The following PCDH9 variants were observed in gnomAD, a reference collection of about 807,000 sequenced individuals.
PCDH9 encodes protocadherin-9.
PCDH9 carries 24 observed loss-of-function variants against 70.6 expected under a neutral mutation model. The observed-to-expected ratio is 0.34, with a 90% CI of 0.25 to 0.48. The LOEUF (loss-of-function observed/expected upper bound fraction) is 0.48, where lower values mean the gene tolerates loss of function less well. Among genes scored for constraint, PCDH9 ranks in the 20% least tolerant of loss-of-function variants. PCDH9 has a pLI of 0.99. For synonymous variants in PCDH9, 562 were observed against 558.5 expected (o/e 1.01, Z -0.09); for missense variants, 1,281 against 1,503.6 (o/e 0.85, Z 2.45).
chr13:66,517,439 G>T (rs1959791119), intron 4 of PCDH9, among the ~76,000 whole-genome samples: 1 of 152,046 alleles, frequency 6.6e-6, no homozygotes, highest in South Asian at 2.1e-4. Flanking sequence ...ATAGTAATTA[G>T]ACTTTTAGCT....
intron 3 of PCDH9, among the ~76,000 whole-genome samples, chr13:66,686,423 C>A (rs1407149623): frequency 6.6e-6 from 1 of 152,124 alleles, no homozygotes; most frequent in African/African-American, 2.4e-5. Flanking sequence ...AAACCTCTTT[C>A]CATTATAAAT....
chr13:66,792,955 A>G (rs1249217269), intron 3 of PCDH9, among the ~76,000 whole-genome samples: 1 of 152,142 alleles, frequency 6.6e-6, no homozygotes, highest in Non-Finnish European at 1.5e-5. Flanking sequence ...GAAATAGCTT[A>G]TTTTCAACAA....
Position 66,544,224 on chromosome 13 carries a change from G to C in PCDH9, c.3340+86986C>G, listed in dbSNP as rs566035672. ...TTTCCTATCACTGTTTTTCGGTCCA[G>C]TATTATATTACCAGGAAAAACTTCA... On this transcript the variant is annotated intron_variant, in intron 4 of 4. Coordinates refer to ENST00000377865, the MANE Select transcript of PCDH9 (RefSeq NM_203487.3). Among the ~76,000 whole-genome samples, 3 of 152,194 alleles carry C rather than the reference G, an allele frequency of 2.0e-5. No individual in the cohort carries two copies. In the South Asian group the frequency reaches 6.2e-4, roughly 32 times the overall value.
intron 3 of PCDH9, among the ~76,000 whole-genome samples, chr13:66,783,182 G>A (rs984074381): frequency 2.6e-5 from 4 of 151,938 alleles, no homozygotes; most frequent in African/African-American, 9.7e-5. Flanking sequence ...GCCATTACAC[G>A]ACCCCAGAGT....
At chr13:66,433,391 A>T (rs1957809306) in intron 4 of PCDH9, among the ~76,000 whole-genome samples, 1 of 151,856 alleles carries the variant, frequency 6.6e-6, no homozygotes, top group South Asian at 2.1e-4. Flanking sequence ...CTCTCAAAAA[A>T]TTTTCTTAAT....
At chr13:67,106,706 T>C (rs558794647) in intron 2 of PCDH9, among the ~76,000 whole-genome samples, 2 of 152,296 alleles carry the variant, frequency 1.3e-5, no homozygotes, top group Non-Finnish European at 2.9e-5. Context: ...TGGCTGCGGA[T>C]TGGGCATCCC....
chr13:66,904,945 T>C (rs952901655), intron 2 of PCDH9, among the ~76,000 whole-genome samples: 7 of 152,050 alleles, frequency 4.6e-5, no homozygotes, highest in Non-Finnish European at 8.8e-5. Context: ...ATATTTTATA[T>C]CTGTTCTCTC....
At chr13:67,000,497 T>TA (rs60553013) in intron 2 of PCDH9, among the ~76,000 whole-genome samples, 8 of 150,624 alleles carry the variant, frequency 5.3e-5, no homozygotes, top group South Asian at 2.1e-4. Context: ...TAAAATAAAA[T>TA]AAAAAAAAGA....
intron 3 of PCDH9, among the ~76,000 whole-genome samples, chr13:66,736,223 C>A (rs972142029): frequency 1.3e-5 from 2 of 152,080 alleles, no homozygotes; most frequent in African/African-American, 4.8e-5. Flanking sequence ...GAAGCCCTAA[C>A]CCCCCATAGC....
chr13:66,406,453 A>G (rs999101101), intron 4 of PCDH9, among the ~76,000 whole-genome samples: 5 of 150,182 alleles, frequency 3.3e-5, no homozygotes, highest in African/African-American at 9.6e-5. Context: ...CTGACAACTA[A>G]TATTTACTGT....
chr13:66,772,446 T>C (rs2079822842), intron 3 of PCDH9, among the ~76,000 whole-genome samples: 1 of 152,206 alleles, frequency 6.6e-6, no homozygotes, highest in South Asian at 2.1e-4. Flanking sequence ...TATTTTTCTG[T>C]TTAGTAAATT....
chr13:67,123,242 C>G (rs7330064), intron 2 of PCDH9, among the ~76,000 whole-genome samples: 140,053 of 152,170 alleles, frequency 0.92, 64,577 homozygotes, highest in East Asian at 0.98. Flanking sequence ...AGATTGTCAA[C>G]GTTTGCTGCT....
intron 3 of PCDH9, among the ~76,000 whole-genome samples, chr13:66,763,783 T>C (rs2079665817): frequency 6.6e-6 from 1 of 152,036 alleles, no homozygotes; most frequent in South Asian, 2.1e-4. Context: ...CAACTTAATC[T>C]ATCTGTAGTT....
At chr13:66,432,835 AT>A (rs1483618265) in intron 4 of PCDH9, among the ~76,000 whole-genome samples, 3 of 152,032 alleles carry the variant, frequency 2.0e-5, no homozygotes, top group Non-Finnish European at 4.4e-5. Context: ...AGTCTAAGTC[AT>A]TATTTACCAA....
intron 2 of PCDH9, chr13:67,218,305 T>A (rs969293732): frequency 6.6e-6 from 1 of 152,134 alleles, no homozygotes; most frequent in African/African-American, 2.4e-5. Flanking sequence ...TATTTCCGAC[T>A]AAAATAAATA....
chr13:66,690,047 T>A (rs974005313), intron 3 of PCDH9, among the ~76,000 whole-genome samples: 1 of 152,118 alleles, frequency 6.6e-6, no homozygotes, highest in Non-Finnish European at 1.5e-5. Context: ...TAAACCTACA[T>A]AAATAAAAGC....
At chr13:67,108,131 A>G (rs1342885382) in intron 2 of PCDH9, among the ~76,000 whole-genome samples, 1 of 152,092 alleles carries the variant, frequency 6.6e-6, no homozygotes, top group East Asian at 1.9e-4. Flanking sequence ...CACCTGGCTC[A>G]CCCTTGGCAG....
intron 3 of PCDH9, among the ~76,000 whole-genome samples, chr13:66,836,428 T>A (rs1393453916): frequency 6.6e-6 from 1 of 152,210 alleles, no homozygotes; most frequent in Non-Finnish European, 1.5e-5. Flanking sequence ...GTTTGAAATG[T>A]CTTGCTGATA....
At chr13:66,906,099 A>G (rs2082355644) in intron 2 of PCDH9, among the ~76,000 whole-genome samples, 1 of 152,208 alleles carries the variant, frequency 6.6e-6, no homozygotes, top group Non-Finnish European at 1.5e-5. Context: ...ACAATACATG[A>G]AAATAAATAA....
Sources: gnomAD v4.1 joint callset for allele counts (sites outside exome capture counted in the v4.1 genomes callset) on GRCh38, gnomAD v4.1.1 for gene constraint, MANE v1.5 for transcripts, NCBI Gene and HGNC (gene_info 2026-07-23, HGNC 2026-07-21) for gene names.